SASS6: variants seen among roughly 807,000 people sequenced by gnomAD.
SASS6 encodes the protein SAS-6 centriolar assembly protein, also known as spindle assembly abnormal protein 6 homolog.
In SASS6, 59 loss-of-function variants were observed where a neutral mutation model predicts 94.9. That is an observed-to-expected ratio of 0.62 (90% CI 0.50 to 0.77). The LOEUF is 0.77. SASS6 is among the 30% of genes least tolerant of loss of function. The pLI, the probability that SASS6 is intolerant of heterozygous loss-of-function variation, is 0.00. For synonymous variants in SASS6, 264 were observed against 270.0 expected (o/e 0.98, Z 0.22); for missense variants, 698 against 734.1 (o/e 0.95, Z 0.57).
In SASS6 at chr1:100,121,559, G is replaced by T. The variant is rs757232577; in HGVS notation, c.312-10C>A. 3.3e-6 allele frequency: 5 copies of T among 1,512,876 alleles called. No homozygotes were observed. Among genetic ancestry groups the T allele is most frequent in the Non-Finnish European group, 4.5e-6 (5 of 1,099,564 alleles). 93.7% of individuals were successfully genotyped at this position (1,512,876 alleles called of 1,614,324 possible). ...TAACTGTAGCAAAAACCTTTGAAAA[G>T]AAAATGTTACATTATAACACACTTA... On this transcript the variant is annotated splice_polypyrimidine_tract_variant and intron_variant, in intron 4 of 16. Transcript: ENST00000287482.
At chr1:100,096,457 A>G (rs1007019802) in intron 14 of SASS6, among the ~76,000 whole-genome samples, 1 of 152,214 alleles carries the variant, frequency 6.6e-6, no homozygotes, top group African/African-American at 2.4e-5. Flanking sequence ...AAAGGAGAAA[A>G]TGTTTTCAAC....
rs1251954771 is a variant in SASS6, at chr1:100,084,009, C to CTAA, written c.*1316_*1318dup. On this transcript the variant is annotated 3_prime_UTR_variant, in exon 17 of 17. Transcript: ENST00000287482. The stretch of plus-strand genomic sequence containing the variant: ...CAAGTTACTGTACCAAGTATTCTCA[C>CTAA]TAATACAGTAGTGTATCTAAATGGG... 1 of 151,906 alleles carries CTAA rather than the reference C, an allele frequency of 6.6e-6. No homozygotes were observed. The highest frequency in any genetic ancestry group is 2.4e-5 in the African/African-American group (1 of 41,396). 9.4% of individuals were successfully genotyped at this position (151,906 alleles called of 1,614,324 possible).
chr1:100,085,155 C>G lies in SASS6; in HGVS notation c.*173G>C. 1.8e-6 allele frequency: 1 copy of G among 548,070 alleles called. No individual in the cohort carries two copies. The highest frequency in any genetic ancestry group is 2.8e-5 in the East Asian group (1 of 35,640). The allele number at this position is 548,070 out of a possible 1,614,324, so 34.0% of individuals were successfully genotyped here. Reference sequence around the variant, plus strand: ...CACAATCTTTACCAATCCCCAAGTACAAATTTGTTCCTATATTATAAACTG... The same window carrying G: ...CACAATCTTTACCAATCCCCAAGTAGAAATTTGTTCCTATATTATAAACTG... On this transcript the variant is annotated 3_prime_UTR_variant, in exon 17 of 17. Transcript: ENST00000287482.
At chr1:100,109,517 G>T (rs142407030) in intron 8 of SASS6, among the ~76,000 whole-genome samples, 9 of 151,988 alleles carry the variant, frequency 5.9e-5, no homozygotes, top group Non-Finnish European at 1.2e-4. Context: ...GAGTTGATAG[G>T]TGCAGCAAAC....
chr1:100,132,274 A>C (rs1301707331), intron 1 of SASS6, among the ~76,000 whole-genome samples: 2 of 152,164 alleles, frequency 1.3e-5, no homozygotes, highest in Non-Finnish European at 2.9e-5. Context: ...GAAGAGCCAA[A>C]GTACGCCACC....
chr1:100,129,623 G>C (rs989982316), intron 1 of SASS6, among the ~76,000 whole-genome samples: 1 of 152,028 alleles, frequency 6.6e-6, no homozygotes, highest in Non-Finnish European at 1.5e-5. Context: ...AACTTTGAAG[G>C]GTCCTTATAG....
At chr1:100,094,438 T>C (rs1175950265) in intron 14 of SASS6, among the ~76,000 whole-genome samples, 3 of 152,172 alleles carry the variant, frequency 2.0e-5, no homozygotes, top group Admixed American at 1.3e-4. Flanking sequence ...GAAAAGACAG[T>C]TTCCTGTTCA....
chr1:100,099,497 G>A (rs1176993530), intron 14 of SASS6: 1 of 152,354 alleles, frequency 6.6e-6, no homozygotes, highest in Non-Finnish European at 1.5e-5. Context: ...GACCCAGGGA[G>A]CCCAGGACTA....
rs1202819758 is a variant in SASS6, at chr1:100,110,450, G to C, written c.703C>G (p.Gln235Glu). The change falls in exon 8 of 17, where the codon CAG becomes GAG. Residue 235 changes from glutamine (Q) to glutamate (E), a missense_variant. Coordinates refer to ENST00000287482, the MANE Select transcript of SASS6 (RefSeq NM_194292.3). ...QVQYQQQHEQQKKDLEILHQQ... is the reference protein window; with the variant it reads ...QVQYQQQHEQEKKDLEILHQQ... ...TGGAGGATTTCTAAATCTTTTTTCTGTTGTTCATGCTGCTGTTGATATTGA... is the reference window on the plus strand; with the variant it reads ...TGGAGGATTTCTAAATCTTTTTTCTCTTGTTCATGCTGCTGTTGATATTGA... 1 of 1,608,936 alleles carries C rather than the reference G, an allele frequency of 6.2e-7. No homozygotes were observed. The highest frequency in any genetic ancestry group is 1.3e-5 in the African/African-American group (1 of 74,698).
At chr1:100,091,818 T>C (rs1651721570) in intron 14 of SASS6, among the ~76,000 whole-genome samples, 2 of 151,228 alleles carry the variant, frequency 1.3e-5, no homozygotes, top group Admixed American at 1.3e-4. Context: ...TGTGGACCTT[T>C]AGGAAAATAA....
chr1:100,103,045 A>C lies in SASS6; in HGVS notation c.1584T>G (p.Gly528=), dbSNP rs776166692. Residue 528 remains glycine (G), a synonymous_variant, in exon 14 of 17, where the codon GGT becomes GGG. Coordinates refer to ENST00000287482, the MANE Select transcript of SASS6 (RefSeq NM_194292.3). ...ATGCAAATGCAGAGGAGACAGGATAACCAATCCCACAGGTTGGGTAAGTCA... is the reference window on the plus strand; with the variant it reads ...ATGCAAATGCAGAGGAGACAGGATACCCAATCCCACAGGTTGGGTAAGTCA... ...GRLTYPTCGI[G]YPVSSAFAFQ... The C allele has an allele frequency of 6.2e-7, 1 of 1,606,694 alleles. No individual in the cohort carries two copies.
intron 1 of SASS6, among the ~76,000 whole-genome samples, chr1:100,127,017 CCA>C (rs1160083431): frequency 7.9e-5 from 12 of 152,128 alleles, no homozygotes; most frequent in South Asian, 2.1e-4. Flanking sequence ...GAGGGAGAGA[CCA>C]CAGTGTTCCA....
At chr1:100,086,351 C>T (rs941538178) in intron 15 of SASS6, among the ~76,000 whole-genome samples, 1 of 151,896 alleles carries the variant, frequency 6.6e-6, no homozygotes, top group Non-Finnish European at 1.5e-5. Context: ...AAGTTTGATA[C>T]CCGGTGCCAC....
intron 14 of SASS6, among the ~76,000 whole-genome samples, chr1:100,100,692 G>GT (rs1262157811): frequency 6.6e-6 from 1 of 152,132 alleles, no homozygotes; most frequent in African/African-American, 2.4e-5. Context: ...AATCTTGACA[G>GT]TAACATTTTA....
chr1:100,108,884 C>A (rs762084805), intron 8 of SASS6, among the ~76,000 whole-genome samples: 4 of 151,814 alleles, frequency 2.6e-5, no homozygotes, highest in Non-Finnish European at 5.9e-5. Context: ...TTTTGGCTGG[C>A]ACACAGTAAA....
chr1:100,092,884 G>C (rs1188165194), intron 14 of SASS6, among the ~76,000 whole-genome samples: 5 of 151,950 alleles, frequency 3.3e-5, no homozygotes. Context: ...CCACTCCAGA[G>C]TTTTAAATAT....
At chr1:100,110,592 CTTTTT>C (rs952858532) in intron 7 of SASS6, 109 bp from the exon 8 acceptor site, 2 of 533,694 alleles carry the variant, frequency 3.7e-6, no homozygotes, top group African/African-American at 3.9e-5. Context: ...TTTTCTTTTT[CTTTTT>C]TGTCTTAATT....
intron 15 of SASS6, 78 bp downstream of exon 15, chr1:100,088,061 C>T: frequency 1.5e-6 from 1 of 675,734 alleles, no homozygotes; most frequent in Non-Finnish European, 2.7e-6. Context: ...GGCATCACAG[C>T]TCTCAAGCAC....
rs56259688 is a variant in SASS6 at position 100,121,149 on chromosome 1, T to C, written c.483+229A>G. The stretch of plus-strand genomic sequence containing the variant: ...ATGACAGAAGAGTTTAAGTGACCTG[T>C]CCAAAATCACACGATTGGTAAAAAC... On this transcript the variant is annotated intron_variant, in intron 5 of 16. Coordinates refer to ENST00000287482, the MANE Select transcript of SASS6 (RefSeq NM_194292.3). Among the ~76,000 whole-genome samples the C allele has an allele frequency of 0.041, 6,270 of 152,036 alleles. 319 individuals carry two copies. The highest frequency in any genetic ancestry group is 0.12 in the African/African-American group (4,778 of 41,442).
Sources: gnomAD v4.1 joint callset for allele counts (sites outside exome capture counted in the v4.1 genomes callset) on GRCh38, gnomAD v4.1.1 for gene constraint, MANE v1.5 for transcripts, NCBI Gene and HGNC (gene_info 2026-07-23, HGNC 2026-07-21) for gene names.